Variants in CISD1 observed in about 807,000 individuals in gnomAD.
CISD1 encodes the protein CDGSH iron-sulfur domain-containing protein 1.
A neutral mutation model predicts 12.0 loss-of-function variants in CISD1; 8 were observed. That is an observed-to-expected ratio of 0.67 (90% CI 0.39 to 1.20). The LOEUF is 1.20. Among genes scored for constraint, CISD1 ranks in the 50% most tolerant of loss-of-function variants. CISD1 has a pLI of 0.01. For synonymous variants in CISD1, 38 were observed against 42.2 expected (o/e 0.90, Z 0.39); for missense variants, 107 against 132.7 (o/e 0.81, Z 0.95).
intron 1 of CISD1, 54 bp from the exon 2 acceptor site, chr10:58,277,060 ATAT>A (rs1839322585): frequency 8.2e-7 from 1 of 1,226,950 alleles, no homozygotes; most frequent in Admixed American, 2.3e-5. Flanking sequence ...CATGCATGTG[ATAT>A]TATTGGTGTA....
intron 2 of CISD1, among the ~76,000 whole-genome samples, chr10:58,278,436 A>G (rs1839338899): frequency 6.6e-6 from 1 of 152,150 alleles, no homozygotes; most frequent in Non-Finnish European, 1.5e-5. Flanking sequence ...CTGAAGCAGG[A>G]AGATCACTTG....
chr10:58,270,082 A>G (rs557028478), intron 1 of CISD1, among the ~76,000 whole-genome samples: 4 of 152,222 alleles, frequency 2.6e-5, no homozygotes, highest in Non-Finnish European at 4.4e-5. Context: ...CACACAATAT[A>G]TGTGATCTTT....
chr10:58,280,625 T>G (rs1007133428), intron 2 of CISD1, among the ~76,000 whole-genome samples: 7 of 152,022 alleles, frequency 4.6e-5, no homozygotes, highest in African/African-American at 1.4e-4. Context: ...AACTGATGAG[T>G]CAAGTGTAGG....
intron 1 of CISD1, among the ~76,000 whole-genome samples, chr10:58,274,489 G>T (rs1332896863): frequency 1.3e-4 from 8 of 63,712 alleles, no homozygotes; most frequent in Admixed American, 4.5e-4. Context: ...TGTTGCATTT[G>T]TCCCTAATGA....
intron 1 of CISD1, chr10:58,273,524 T>C (rs1253495532): frequency 1.4e-5 from 2 of 144,780 alleles, no homozygotes; most frequent in East Asian, 4.1e-4. Context: ...TAAAGCAAAA[T>C]AATGCTCACA....
At chr10:58,283,142 GTT>G in intron 2 of CISD1, 1 of 150,566 alleles carries the variant, frequency 6.6e-6, no homozygotes, top group Non-Finnish European at 1.5e-5. Context: ...GATCCTGGGT[GTT>G]TTTTTTTGGC....
At chr10:58,276,301 TAGAA>T (rs1229285065) in intron 1 of CISD1, 1 of 152,138 alleles carries the variant, frequency 6.6e-6, no homozygotes, top group Non-Finnish European at 1.5e-5. Context: ...TTTTTATTAT[TAGAA>T]AGCAGAATAA....
intron 1 of CISD1, among the ~76,000 whole-genome samples, chr10:58,273,224 A>G (rs987500180): frequency 1.3e-5 from 2 of 152,178 alleles, no homozygotes; most frequent in African/African-American, 4.8e-5. Flanking sequence ...GAAAAATTGC[A>G]CATAGGAATT....
chr10:58,279,858 G>A (rs1588981716), intron 2 of CISD1, among the ~76,000 whole-genome samples: 1 of 152,190 alleles, frequency 6.6e-6, no homozygotes, highest in East Asian at 1.9e-4. Context: ...GAGGCTGGGT[G>A]CAGTGGCTCA....
At position 58,269,171 on chromosome 10, in the gene CISD1, G is replaced by T; in HGVS notation, c.-103G>T. On this transcript the variant is annotated 5_prime_UTR_variant, in exon 1 of 3. Coordinates refer to ENST00000333926, the MANE Select transcript of CISD1 (RefSeq NM_018464.5). The stretch of plus-strand genomic sequence containing the variant: ...GCGGCGCCTGCGCGGTAGCATCGCG[G>T]AGTCGGTGCTTTAGTACGCCGCTGG... 2 of 1,241,368 alleles carry T rather than the reference G, an allele frequency of 1.6e-6. No homozygotes were observed. Among genetic ancestry groups the T allele is most frequent in the South Asian group, 1.2e-5 (1 of 82,810 alleles). 76.9% of individuals were successfully genotyped at this position (1,241,368 alleles called of 1,614,324 possible). A position where few individuals can be genotyped will look rare whatever the true frequency, so the allele number is the denominator to read the frequency against.
At chr10:58,270,965 G>A (rs1588978944) in intron 1 of CISD1, among the ~76,000 whole-genome samples, 1 of 151,766 alleles carries the variant, frequency 6.6e-6, no homozygotes, top group South Asian at 2.1e-4. Context: ...CTGGGCCCAA[G>A]CCATCCTTTC....
intron 1 of CISD1, chr10:58,273,472 A>G (rs1839272020): frequency 6.6e-6 from 1 of 152,280 alleles, no homozygotes; most frequent in South Asian, 2.1e-4. Context: ...TTTAGAGCAG[A>G]AAAGGGGCTA....
rs1406130902 is a variant in CISD1, at chr10:58,288,233, C to T, written c.*583C>T. The T allele has an allele frequency of 2.0e-5, 3 of 152,148 alleles. No individual in the cohort carries two copies. The highest frequency in any genetic ancestry group is 2.0e-4 in the Admixed American group (3 of 15,266). 9.4% of individuals were successfully genotyped at this position (152,148 alleles called of 1,614,324 possible). On this transcript the variant is annotated 3_prime_UTR_variant, in exon 3 of 3. Transcript: ENST00000333926. ...TTCTGTTTAATTTCATAAGTCAGGT[C>T]AATAATAAAGGGGTGGTAACTTCCT...
At chr10:58,286,204 CAAAAA>C (rs755174757) in intron 2 of CISD1, among the ~76,000 whole-genome samples, 1 of 85,936 alleles carries the variant, frequency 1.2e-5, no homozygotes, top group Admixed American at 1.3e-4. Flanking sequence ...GACTCCGTTT[CAAAAA>C]AAAAAAAAAA....
chr10:58,271,345 T>A (rs1027018682), intron 1 of CISD1, among the ~76,000 whole-genome samples: 9 of 152,300 alleles, frequency 5.9e-5, no homozygotes, highest in Admixed American at 5.9e-4. Flanking sequence ...CGGCCGACTA[T>A]TTTTTATTTC....
intron 1 of CISD1, among the ~76,000 whole-genome samples, chr10:58,276,427 G>A (rs915430128): frequency 6.6e-6 from 1 of 151,834 alleles, no homozygotes; most frequent in Non-Finnish European, 1.5e-5. Context: ...TATGAAGTTA[G>A]TACATTCTGA....
chr10:58,269,290 G>A lies in CISD1; in HGVS notation c.17G>A (p.Ser6Asn). ...GACGGCGCCATGAGTCTGACTTCCAGTTCCAGCGTACGAGGTGAAGTGGGG... is the reference window on the plus strand; with the variant it reads ...GACGGCGCCATGAGTCTGACTTCCAATTCCAGCGTACGAGGTGAAGTGGGG... MSLTS[S>N]SSVRVEWIAA... is the part of the protein sequence containing the mutation. Residue 6 changes from serine (S) to asparagine (N), a missense_variant, in exon 1 of 3, where the codon AGT (serine) becomes AAT (asparagine). By Grantham distance (46) the Ser-to-Asn change is conservative. Transcript: ENST00000333926. The A allele has an allele frequency of 1.2e-6, 2 of 1,609,246 alleles. No homozygotes were observed. The highest frequency in any genetic ancestry group is 1.1e-5 in the South Asian group (1 of 91,054).
At chr10:58,278,891 G>GA (rs1839344252) in intron 2 of CISD1, among the ~76,000 whole-genome samples, 1 of 152,078 alleles carries the variant, frequency 6.6e-6, no homozygotes, top group Non-Finnish European at 1.5e-5. Context: ...GACCCAAAGG[G>GA]AAAAAAAGGC....
chr10:58,271,240 C>T (rs1266914473), intron 1 of CISD1, among the ~76,000 whole-genome samples: 1 of 1,784 alleles, frequency 5.6e-4, no homozygotes, highest in African/African-American at 3.2e-3. Flanking sequence ...GGGGTTTCAC[C>T]GTTTTAGCCG....
Sources: gnomAD v4.1 joint callset for allele counts (sites outside exome capture counted in the v4.1 genomes callset) on GRCh38, gnomAD v4.1.1 for gene constraint, MANE v1.5 for transcripts, NCBI Gene and HGNC (gene_info 2026-07-23, HGNC 2026-07-21) for gene names.